ZNF521: variants seen among roughly 807,000 people sequenced by gnomAD.
The protein encoded by ZNF521 is zinc finger protein 521, also known as LYST-interacting protein 3.
In ZNF521, 14 loss-of-function variants were observed where a neutral mutation model predicts 105.5. The observed-to-expected ratio is 0.13, with a 90% CI of 0.09 to 0.21. The LOEUF is 0.21. Among genes scored for constraint, ZNF521 ranks in the 10% least tolerant of loss-of-function variants. ZNF521 has a pLI of 1.00. For missense variants in ZNF521, 1,233 were observed against 1,629.7 expected, an observed-to-expected ratio of 0.76 and a Z score of 4.19; for synonymous variants, 635 against 606.0, an observed-to-expected ratio of 1.05 and a Z score of -0.70.
chr18:25,256,189 T>C (rs927595635), intron 3 of ZNF521, among the ~76,000 whole-genome samples: 4 of 151,836 alleles, frequency 2.6e-5, no homozygotes, highest in African/African-American at 9.7e-5. Flanking sequence ...ATTCCAGTTA[T>C]ATGAGGTACC....
intron 3 of ZNF521, among the ~76,000 whole-genome samples, chr18:25,267,367 G>T (rs559934672): frequency 1.3e-5 from 2 of 152,182 alleles, no homozygotes; most frequent in African/African-American, 4.8e-5. Flanking sequence ...AGACTTAAAC[G>T]TCCCTGCCTG....
At chr18:25,089,781 A>G (rs567975321) in intron 6 of ZNF521, among the ~76,000 whole-genome samples, 1 of 152,190 alleles carries the variant, frequency 6.6e-6, no homozygotes, top group South Asian at 2.1e-4. Flanking sequence ...CGGAGCACCT[A>G]ATTCAACCCA....
At chr18:25,298,664 C>T (rs1442575642) in intron 3 of ZNF521, among the ~76,000 whole-genome samples, 3 of 152,090 alleles carry the variant, frequency 2.0e-5, no homozygotes, top group African/African-American at 7.2e-5. Context: ...CTTGATCATA[C>T]ACCAATCTAG....
At chr18:25,263,778 G>C (rs568765036) in intron 3 of ZNF521, among the ~76,000 whole-genome samples, 1 of 152,018 alleles carries the variant, frequency 6.6e-6, no homozygotes, top group Non-Finnish European at 1.5e-5. Flanking sequence ...AGGTTTCACC[G>C]TGTTAACCAG....
chr18:25,294,955 TA>T (rs113066772), intron 3 of ZNF521, among the ~76,000 whole-genome samples: 2 of 151,256 alleles, frequency 1.3e-5, no homozygotes, highest in East Asian at 1.9e-4. Context: ...TAGTTTCTTT[TA>T]AAAAAAATTG....
At chr18:25,109,566 C>T (rs2034142879) in intron 5 of ZNF521, among the ~76,000 whole-genome samples, 1 of 152,146 alleles carries the variant, frequency 6.6e-6, no homozygotes. Context: ...ACATTCTCAC[C>T]AACAGTATAT....
At chr18:25,291,527 A>G (rs1310631196) in intron 3 of ZNF521, among the ~76,000 whole-genome samples, 1 of 152,218 alleles carries the variant, frequency 6.6e-6, no homozygotes, top group African/African-American at 2.4e-5. Flanking sequence ...AATAACGTAT[A>G]CTTAATTCAT....
chr18:25,288,103 A>G (rs187750500), intron 3 of ZNF521, among the ~76,000 whole-genome samples: 101 of 151,626 alleles, frequency 6.7e-4, no homozygotes, highest in African/African-American at 2.3e-3. Flanking sequence ...AAAAGAAAAA[A>G]CCTCTACTGG....
intron 5 of ZNF521, among the ~76,000 whole-genome samples, chr18:25,146,251 G>C (rs12953759): frequency 4.6e-5 from 7 of 151,914 alleles, no homozygotes; most frequent in African/African-American, 1.7e-4. Context: ...TGAACAATAA[G>C]CAATTCCAGG....
At chr18:25,228,987 T>C (rs949298080) in intron 3 of ZNF521, among the ~76,000 whole-genome samples, 1 of 152,256 alleles carries the variant, frequency 6.6e-6, no homozygotes, top group African/African-American at 2.4e-5. Flanking sequence ...GTGGAGCTGG[T>C]GGGGATAGTG....
intron 3 of ZNF521, among the ~76,000 whole-genome samples, chr18:25,292,683 G>T (rs901660878): frequency 4.6e-5 from 7 of 152,182 alleles, no homozygotes; most frequent in African/African-American, 1.7e-4. Context: ...ACATGACCAT[G>T]TGGCTTCTGT....
intron 2 of ZNF521, among the ~76,000 whole-genome samples, chr18:25,345,889 A>G (rs932644448): frequency 1.3e-5 from 2 of 152,210 alleles, no homozygotes; most frequent in African/African-American, 4.8e-5. Flanking sequence ...AGTGTTTCCA[A>G]TAATCAGGCT....
intron 3 of ZNF521, among the ~76,000 whole-genome samples, chr18:25,267,107 T>C (rs758983353): frequency 6.6e-6 from 1 of 152,124 alleles, no homozygotes; most frequent in Non-Finnish European, 1.5e-5. Context: ...GCGTCCGCCA[T>C]TGCTGAGGCT....
intron 3 of ZNF521, among the ~76,000 whole-genome samples, chr18:25,273,297 C>T (rs1192198550): frequency 2.1e-5 from 3 of 143,028 alleles, no homozygotes; most frequent in Non-Finnish European, 3.0e-5. Context: ...GATGAAGGTG[C>T]CAGAAAATAA....
chr18:25,323,665 T>C (rs968070667), intron 2 of ZNF521, among the ~76,000 whole-genome samples: 1 of 152,146 alleles, frequency 6.6e-6, no homozygotes, highest in Non-Finnish European at 1.5e-5. Context: ...GAATCAAAAA[T>C]AACCAAGTAT....
At chr18:25,295,695 T>C (rs1281397717) in intron 3 of ZNF521, among the ~76,000 whole-genome samples, 1 of 152,174 alleles carries the variant, frequency 6.6e-6, no homozygotes, top group Admixed American at 6.5e-5. Flanking sequence ...GAATATGCAG[T>C]TTATTCTGTG....
At chr18:25,079,286 C>T (rs560165859) in intron 7 of ZNF521, among the ~76,000 whole-genome samples, 66 of 152,290 alleles carry the variant, frequency 4.3e-4, no homozygotes, top group African/African-American at 1.5e-3. Context: ...AGGTTCAGCA[C>T]AGGGTTGGTT....
intron 5 of ZNF521, among the ~76,000 whole-genome samples, chr18:25,181,238 A>G (rs1037536802): frequency 6.6e-6 from 1 of 152,152 alleles, no homozygotes; most frequent in African/African-American, 2.4e-5. Flanking sequence ...GTCTATGGGA[A>G]GTTATGAAAC....
At position 25,062,461 on chromosome 18, in the gene ZNF521, C is replaced by T; in HGVS notation, c.*251G>A. 2.2e-6 allele frequency: 1 copy of T among 453,264 alleles called. No individual in the cohort carries two copies. The highest frequency in any genetic ancestry group is 4.5e-5 in the South Asian group (1 of 21,980). 28.1% of individuals were successfully genotyped at this position (453,264 alleles called of 1,614,324 possible). On this transcript the variant is annotated 3_prime_UTR_variant, in exon 8 of 8. Coordinates refer to ENST00000361524, the MANE Select transcript of ZNF521 (RefSeq NM_015461.3). ...AATCTTGCCTGAATAGGGCCCAAGT[C>T]CACTTGTCTTTATAAGACCATTTTA...
Sources: allele counts gnomAD v4.1 joint callset (sites outside exome capture counted in the v4.1 genomes callset), GRCh38; gene constraint gnomAD v4.1.1; transcripts MANE v1.5; gene names NCBI Gene and HGNC (gene_info 2026-07-23, HGNC 2026-07-21).